DLGAP1: variants seen among roughly 807,000 people sequenced by gnomAD.
The protein encoded by DLGAP1 is DLG associated protein 1, also known as disks large-associated protein 1.
A neutral mutation model predicts 90.8 loss-of-function variants in DLGAP1; 11 were observed. The observed-to-expected ratio is 0.12, with a 90% CI of 0.08 to 0.20. The LOEUF is 0.20. Ranked by LOEUF, DLGAP1 falls within the 10% of genes least tolerant of loss-of-function variation. The probability of loss-of-function intolerance (pLI) is 1.00; values close to 1 mark genes in which losing one functional copy is unlikely to be tolerated. For synonymous variants in DLGAP1, 558 were observed against 540.7 expected (o/e 1.03, Z -0.44); for missense variants, 1,050 against 1,333.8 (o/e 0.79, Z 3.31).
chr18:4,090,425 C>T (rs532386040), intron 2 of DLGAP1, among the ~76,000 whole-genome samples: 2 of 152,000 alleles, frequency 1.3e-5, no homozygotes, highest in Non-Finnish European at 2.9e-5. Context: ...CATCAAAAAG[C>T]GGGCAAAGGA....
At chr18:4,209,212 T>G (rs1308507424) in intron 1 of DLGAP1, among the ~76,000 whole-genome samples, 2 of 151,912 alleles carry the variant, frequency 1.3e-5, no homozygotes, top group Non-Finnish European at 2.9e-5. Context: ...AAGCAAGGAT[T>G]GGGGTTATGG....
chr18:3,852,546 T>G (rs2069401165), intron 4 of DLGAP1, among the ~76,000 whole-genome samples: 1 of 152,172 alleles, frequency 6.6e-6, no homozygotes, highest in African/African-American at 2.4e-5. Flanking sequence ...TGCTATAGAC[T>G]AACATGAATC....
chr18:4,198,167 GC>G, intron 1 of DLGAP1, among the ~76,000 whole-genome samples: 1 of 152,296 alleles, frequency 6.6e-6, no homozygotes, highest in African/African-American at 2.4e-5. Flanking sequence ...TTTGCAGTGA[GC>G]CGAGATCGTG....
intron 1 of DLGAP1, among the ~76,000 whole-genome samples, chr18:4,372,421 A>G (rs1441315779): frequency 2.0e-5 from 3 of 152,216 alleles, no homozygotes; most frequent in South Asian, 2.1e-4. Context: ...TGAATACTCA[A>G]TAAATATGTG....
chr18:3,818,346 G>GTTTTTTT (rs398031872), intron 4 of DLGAP1, among the ~76,000 whole-genome samples: 5 of 66,510 alleles, frequency 7.5e-5, no homozygotes, highest in African/African-American at 3.1e-4. Context: ...TGTAGGGATG[G>GTTTTTTT]TTTTTTTTTT....
At position 3,517,864 on chromosome 18, in the gene DLGAP1, C is replaced by G. The variant is rs1164043402; in HGVS notation, c.2480-9203G>C. 6.6e-6 allele frequency among the ~76,000 whole-genome samples: 1 copy of G among 151,208 alleles called. No homozygotes were observed. The highest frequency in any genetic ancestry group is 2.1e-4 in the South Asian group (1 of 4,796). On this transcript the variant is annotated intron_variant, in intron 10 of 12. Coordinates refer to ENST00000315677, the MANE Select transcript of DLGAP1 (RefSeq NM_004746.4). The surrounding 1 kb of genome is among the most constrained non-coding windows in gnomAD (Gnocchi z 4.1). ...GAGTCACAATGTGTCTCTGATTAAG[C>G]TTTGGCTTAAGGGAATGTTGTGCCT...
chr18:4,029,363 T>C (rs1171244205), intron 2 of DLGAP1, among the ~76,000 whole-genome samples: 1 of 152,218 alleles, frequency 6.6e-6, no homozygotes, highest in Non-Finnish European at 1.5e-5. Context: ...CCTTTGAATA[T>C]ATACCCAGTA....
intron 9 of DLGAP1, among the ~76,000 whole-genome samples, chr18:3,545,720 A>C (rs536835016): frequency 1.3e-5 from 2 of 152,110 alleles, no homozygotes; most frequent in Non-Finnish European, 2.9e-5. Context: ...AAACTAAACT[A>C]AAATAAATAA....
rs777670538 is a variant in DLGAP1, at chr18:3,656,153, C to A, written c.1591+72982G>T. 10 of 1,529,302 alleles carry A rather than the reference C, an allele frequency of 6.5e-6. No homozygotes were observed. In the South Asian group the frequency reaches 9.8e-5, roughly 15 times the overall value. The allele number at this position is 1,529,302 out of a possible 1,614,324, so 94.7% of individuals were successfully genotyped here. ...AAAAGTGGCAGTTATATAATGGACC[C>A]AAATCGCCTTTTCCAGGCTTCTCAT... is the stretch of plus-strand genomic sequence containing the variant. On this transcript the variant is annotated intron_variant, in intron 7 of 12. Transcript: ENST00000315677.
In DLGAP1 at chr18:4,376,532, G is replaced by A. The variant is rs147319711; in HGVS notation, c.-267+78474C>T. ...CATCCTAGTACTCCTATTTCAAGGC[G>A]TGGTGTTTATCATTTCTTAAGAAGG... On this transcript the variant is annotated intron_variant, in intron 1 of 12. Coordinates refer to ENST00000315677, the MANE Select transcript of DLGAP1 (RefSeq NM_004746.4). Among the ~76,000 whole-genome samples, 1,421 of 152,286 alleles carry A rather than the reference G, an allele frequency of 9.3e-3. 17 individuals are homozygous for A. The highest frequency in any genetic ancestry group is 0.013 in the Non-Finnish European group (882 of 68,020).
intron 5 of DLGAP1, among the ~76,000 whole-genome samples, chr18:3,766,999 C>G (rs2064277214): frequency 3.3e-5 from 5 of 151,800 alleles, no homozygotes; most frequent in East Asian, 1.9e-4. Flanking sequence ...TTGAAAAGGT[C>G]AATAAAATGG....
intron 1 of DLGAP1, among the ~76,000 whole-genome samples, chr18:4,438,046 C>G (rs1598421607): frequency 6.6e-6 from 1 of 152,122 alleles, no homozygotes; most frequent in Non-Finnish European, 1.5e-5. Flanking sequence ...TATACTAGGG[C>G]TAATTTTGTC....
intron 6 of DLGAP1, 42 bp downstream of exon 6, chr18:3,742,292 GC>G: frequency 6.3e-7 from 1 of 1,596,668 alleles, no homozygotes; most frequent in Non-Finnish European, 8.6e-7. Context: ...TAACCTTCCT[GC>G]CACTAATGGC....
chr18:4,239,412 G>A (rs11660784), intron 1 of DLGAP1, among the ~76,000 whole-genome samples: 62,088 of 151,906 alleles, frequency 0.41, 14,085 homozygotes, highest in East Asian at 0.62. Context: ...AGAAGTTTTG[G>A]GTCATTAAAG....
Position 3,502,695 on chromosome 18 carries a change from AGC to A in DLGAP1, c.2572-52_2572-51del, listed in dbSNP as rs1477762100. 3.8e-6 allele frequency: 6 copies of A among 1,569,830 alleles called. No individual in the cohort carries two copies. The Admixed American group carries it at 9.9e-5, about 26-fold the overall frequency. On this transcript the variant is annotated intron_variant, in intron 11 of 12. Coordinates refer to ENST00000315677, the MANE Select transcript of DLGAP1 (RefSeq NM_004746.4). ...CATGCTTTAGAAGCAATTCTTGACA[AGC>A]ACAGGGCCAAAAAGGCATTTTCAAA...
intron 3 of DLGAP1, among the ~76,000 whole-genome samples, chr18:3,993,790 C>G (rs1003239445): frequency 2.0e-4 from 31 of 152,056 alleles, no homozygotes; most frequent in Non-Finnish European, 7.4e-5. Flanking sequence ...AATCAGGGTG[C>G]AGCAACAAAA....
chr18:3,667,001 T>C (rs1447447110), intron 7 of DLGAP1, among the ~76,000 whole-genome samples: 1 of 152,160 alleles, frequency 6.6e-6, no homozygotes, highest in African/African-American at 2.4e-5. Context: ...ACTCCTGACC[T>C]CAAGTGATCC....
intron 1 of DLGAP1, among the ~76,000 whole-genome samples, chr18:4,291,096 T>A (rs761351960): frequency 9.2e-5 from 14 of 152,218 alleles, no homozygotes; most frequent in Non-Finnish European, 1.5e-4. Flanking sequence ...AAATGGTAGA[T>A]GTTGAAAATA....
rs201733234 is a variant in DLGAP1, at chr18:3,581,850, A to G, written c.1965+25T>C. On this transcript the variant is annotated intron_variant, in intron 8 of 12. Coordinates refer to ENST00000315677, the MANE Select transcript of DLGAP1 (RefSeq NM_004746.4). Reference sequence around the variant, plus strand: ...TTCCTTAGTTTTAAGTTCCTATTTCAAAGGATAGAAAGGGAGGCTGTTACC... The same window carrying G: ...TTCCTTAGTTTTAAGTTCCTATTTCGAAGGATAGAAAGGGAGGCTGTTACC... 6.9e-6 allele frequency: 11 copies of G among 1,604,728 alleles called. No homozygotes were observed. In the South Asian group the frequency reaches 8.8e-5, roughly 13 times the overall value.
Sources: gnomAD v4.1 joint callset for allele counts (sites outside exome capture counted in the v4.1 genomes callset) on GRCh38, gnomAD v4.1.1 for gene constraint, Gnocchi (gnomAD v3.1) non-coding constraint, MANE v1.5 for transcripts, NCBI Gene and HGNC (gene_info 2026-07-23, HGNC 2026-07-21) for gene names.